Variants in UBE3D observed in about 807,000 individuals in gnomAD.
UBE3D encodes ubiquitin protein ligase E3D.
Under a neutral mutation model 49.6 loss-of-function variants are expected in UBE3D, and 48 were observed. The ratio of observed to expected loss-of-function variants is 0.97; its 90% CI spans 0.77 to 1.23. UBE3D has a LOEUF of 1.23. Ranked by LOEUF, UBE3D falls within the 50% of genes most tolerant of loss-of-function variation. UBE3D has a pLI of 0.00. For synonymous variants in UBE3D, 189 were observed against 174.2 expected, an observed-to-expected ratio of 1.08 and a Z score of -0.67; for missense variants, 452 against 468.4, an observed-to-expected ratio of 0.96 and a Z score of 0.32.
chr6:83,044,531 T>C lies in UBE3D; in HGVS notation c.494A>G (p.Asp165Gly), dbSNP rs1273858276. 1.2e-6 allele frequency: 2 copies of C among 1,613,880 alleles called. No individual in the cohort carries two copies. Among genetic ancestry groups the C allele is most frequent in the Non-Finnish European group, 1.7e-6 (2 of 1,179,928 alleles). ...HPQENDCFIGDSFFLVNLRTS... is the reference protein window; with the variant it reads ...HPQENDCFIGGSFFLVNLRTS... ...TCTTAAATTCACCAAGAAGAAAGAG[T>C]CTCCAATAAAACAGTCATTCTCTTG... Residue 165 changes from aspartate (D) to glycine (G), a missense_variant, in exon 4 of 10, where the codon GAC becomes GGC. Asp to Gly is a moderately conservative substitution (Grantham distance 94). Coordinates refer to ENST00000369747, the MANE Select transcript of UBE3D (RefSeq NM_198920.3).
At chr6:82,995,195 A>G (rs1214738598) in intron 8 of UBE3D, among the ~76,000 whole-genome samples, 1 of 152,212 alleles carries the variant, frequency 6.6e-6, no homozygotes, top group Non-Finnish European at 1.5e-5. Flanking sequence ...AGAAGAAACC[A>G]TGAATAATGC....
At chr6:82,937,015 C>A (rs1204402115) in intron 9 of UBE3D, among the ~76,000 whole-genome samples, 1 of 152,160 alleles carries the variant, frequency 6.6e-6, no homozygotes, top group Non-Finnish European at 1.5e-5. Flanking sequence ...TATCTTCCAC[C>A]TCCACTGCAG....
chr6:83,029,506 A>T (rs4526167), intron 5 of UBE3D, among the ~76,000 whole-genome samples: 53 of 152,168 alleles, frequency 3.5e-4, no homozygotes, highest in African/African-American at 1.3e-3. Flanking sequence ...TTTTCTTAAA[A>T]AGTTATTTGC....
At chr6:83,034,542 C>T (rs1316161347) in intron 5 of UBE3D, among the ~76,000 whole-genome samples, 2 of 152,206 alleles carry the variant, frequency 1.3e-5, no homozygotes, top group Non-Finnish European at 1.5e-5. Context: ...AAGTTGGGGC[C>T]TGGTGGGAAG....
At chr6:82,905,979 G>C (rs12195720) in intron 9 of UBE3D, among the ~76,000 whole-genome samples, 12,059 of 152,142 alleles carry the variant, frequency 0.079, 547 homozygotes, top group Non-Finnish European at 0.11. Flanking sequence ...GCAAATCCCA[G>C]TCCTATTACT....
intron 7 of UBE3D, among the ~76,000 whole-genome samples, chr6:83,021,872 A>C (rs1407582726): frequency 6.6e-6 from 1 of 152,076 alleles, no homozygotes; most frequent in African/African-American, 2.4e-5. Context: ...CCATCTCAAA[A>C]AAAAAACAAA....
At chr6:83,041,352 A>C (rs564024656) in intron 4 of UBE3D, among the ~76,000 whole-genome samples, 47 of 152,340 alleles carry the variant, frequency 3.1e-4, no homozygotes, top group African/African-American at 1.1e-3. Flanking sequence ...AATCAGCTCA[A>C]CAACAACCAA....
intron 8 of UBE3D, among the ~76,000 whole-genome samples, chr6:82,968,113 C>T (rs886432763): frequency 1.3e-5 from 2 of 152,086 alleles, no homozygotes; most frequent in Non-Finnish European, 2.9e-5. Flanking sequence ...ATTAAGTTTT[C>T]ATTTCTCCAG....
intron 8 of UBE3D, chr6:83,018,748 GA>G (rs1297727883): frequency 2.0e-6 from 1 of 511,556 alleles, no homozygotes; most frequent in African/African-American, 2.0e-5. Context: ...TAGATTACAA[GA>G]AAAAAACAAT....
chr6:83,049,251 A>G (rs1271268210), intron 3 of UBE3D, among the ~76,000 whole-genome samples: 1 of 152,204 alleles, frequency 6.6e-6, no homozygotes, highest in African/African-American at 2.4e-5. Flanking sequence ...TGGTAATAAC[A>G]GCTTCTACAG....
chr6:83,013,566 G>C (rs1399948056), intron 8 of UBE3D, among the ~76,000 whole-genome samples: 1 of 152,170 alleles, frequency 6.6e-6, no homozygotes, highest in Non-Finnish European at 1.5e-5. Flanking sequence ...AAATGGGCCA[G>C]AGTAACACAC....
At chr6:82,973,067 C>T (rs796166430) in intron 8 of UBE3D, among the ~76,000 whole-genome samples, 13 of 152,156 alleles carry the variant, frequency 8.5e-5, no homozygotes, top group African/African-American at 2.6e-4. Context: ...CAAAGTTGTA[C>T]GACTGAATAA....
chr6:82,928,252 C>T (rs948176362), intron 9 of UBE3D, among the ~76,000 whole-genome samples: 4 of 151,978 alleles, frequency 2.6e-5, no homozygotes, highest in African/African-American at 9.7e-5. Flanking sequence ...ATCCCGGGAA[C>T]CGCATATGAA....
intron 8 of UBE3D, among the ~76,000 whole-genome samples, chr6:82,957,963 G>T (rs1016137889): frequency 6.6e-6 from 1 of 152,100 alleles, no homozygotes; most frequent in Non-Finnish European, 1.5e-5. Flanking sequence ...AAAAAATCTT[G>T]TAACAGCCCC....
chr6:82,929,582 G>C (rs1773994455), intron 9 of UBE3D, among the ~76,000 whole-genome samples: 1 of 151,706 alleles, frequency 6.6e-6, no homozygotes, highest in Middle Eastern at 3.4e-3. Flanking sequence ...TGTTCTGGTT[G>C]GGGGGGTGGG....
chr6:82,889,804 C>A (rs542476838), downstream of UBE3D, among the ~76,000 whole-genome samples: 1 of 151,982 alleles, frequency 6.6e-6, no homozygotes, highest in South Asian at 2.1e-4. Flanking sequence ...GTACCTGTAA[C>A]TATGCTTGAA....
At chr6:83,005,181 CAG>C (rs1275911182) in intron 8 of UBE3D, among the ~76,000 whole-genome samples, 2 of 152,060 alleles carry the variant, frequency 1.3e-5, no homozygotes, top group African/African-American at 2.4e-5. Context: ...AGGACTTAAA[CAG>C]GGATTTCTCC....
intron 8 of UBE3D, 171 bp downstream of exon 8, chr6:83,018,802 A>G (rs1780871028): frequency 1.4e-6 from 1 of 715,556 alleles, no homozygotes; most frequent in Non-Finnish European, 2.2e-6. Flanking sequence ...AACATGAATC[A>G]TCTGTAATAA....
At chr6:82,961,371 G>T (rs879437512) in intron 8 of UBE3D, among the ~76,000 whole-genome samples, 1 of 152,238 alleles carries the variant, frequency 6.6e-6, no homozygotes. Context: ...CAGGCACCAG[G>T]TCAGGCACTT....
Sources: gnomAD v4.1 joint callset for allele counts (sites outside exome capture counted in the v4.1 genomes callset) on GRCh38, gnomAD v4.1.1 for gene constraint, MANE v1.5 for transcripts, NCBI Gene and HGNC (gene_info 2026-07-23, HGNC 2026-07-21) for gene names.